Variants in APOBEC3G observed in about 807,000 individuals in gnomAD.
APOBEC3G encodes apolipoprotein B mRNA editing enzyme catalytic subunit 3G.
A neutral mutation model predicts 50.0 loss-of-function variants in APOBEC3G; 44 were observed. The observed-to-expected ratio is 0.88, with a 90% CI of 0.69 to 1.13. APOBEC3G has a LOEUF of 1.13. Among genes scored for constraint, APOBEC3G ranks in the 50% most tolerant of loss-of-function variants. The pLI, the probability that APOBEC3G is intolerant of heterozygous loss-of-function variation, is 0.00. For missense variants in APOBEC3G, 469 were observed against 492.0 expected (o/e 0.95, Z 0.44); for synonymous variants, 156 against 175.3 (o/e 0.89, Z 0.87).
intron 5 of APOBEC3G, among the ~76,000 whole-genome samples, chr22:39,084,659 C>T (rs1928618114): frequency 6.6e-6 from 1 of 152,206 alleles, no homozygotes; most frequent in African/African-American, 2.4e-5. Context: ...CAGGATTCCC[C>T]AGTGCCTGCT....
At chr22:39,080,620 A>C (rs2036825270) in intron 2 of APOBEC3G, 2 of 348,262 alleles carry the variant, frequency 5.7e-6, no homozygotes, top group Non-Finnish European at 1.1e-5. Flanking sequence ...CCCCCCAGCT[A>C]GAGGGCAAGA....
At chr22:39,081,860 G>A (rs992923464) in intron 4 of APOBEC3G, 5 of 400,780 alleles carry the variant, frequency 1.2e-5, no homozygotes, top group Non-Finnish European at 2.3e-5. Context: ...CAGCCTGGGA[G>A]CCCCAACCTG....
In APOBEC3G at chr22:39,081,212, A is replaced by T. The variant is rs758889931; in HGVS notation, c.451A>T (p.Ile151Phe). The T allele has an allele frequency of 3.0e-5, 49 of 1,613,994 alleles. No homozygotes were observed. Among genetic ancestry groups the T allele is most frequent in the Middle Eastern group, 1.6e-4 (1 of 6,084 alleles). Residue 151 changes from isoleucine (I) to phenylalanine (F), a missense_variant, in exon 3 of 8, where the codon ATC becomes TTC. Transcript: ENST00000407997. ...AGACGGTCCGCGTGCCACCATGAAGATCATGAATTATGACGGTGAGAAGTG... is the reference window on the plus strand; with the variant it reads ...AGACGGTCCGCGTGCCACCATGAAGTTCATGAATTATGACGGTGAGAAGTG... The part of the protein sequence containing the change: ...KRDGPRATMK[I>F]MNYDEFQHCW...
intron 1 of APOBEC3G, 111 bp from the exon 2 acceptor site, chr22:39,078,821 A>G (rs1928288388): frequency 7.1e-7 from 1 of 1,412,022 alleles, no homozygotes; most frequent in East Asian, 2.5e-5. Context: ...AGGGGAGGGG[A>G]GGGATGGGGG....
rs1436870071 is a variant in APOBEC3G at position 39,085,096 on chromosome 22, C to T, written c.736-1183C>T. ...AGCACAAATCGTGTCATCCATTCTA[C>T]CCCGAGTCCTCTCTGCACTGGACTC... On this transcript the variant is annotated intron_variant, in intron 5 of 7. Transcript: ENST00000407997. 2.0e-5 allele frequency among the ~76,000 whole-genome samples: 3 copies of T among 152,184 alleles called. No individual in the cohort carries two copies. In the South Asian group the frequency reaches 6.2e-4, roughly 31 times the overall value.
At position 39,086,481 on chromosome 22, in the gene APOBEC3G, G is replaced by C. The variant is rs542681958; in HGVS notation, c.938G>C (p.Arg313Pro). 2.3e-5 allele frequency: 37 copies of C among 1,614,028 alleles called. No individual in the cohort carries two copies. The highest frequency in any genetic ancestry group is 3.1e-5 in the Non-Finnish European group (36 of 1,180,028). The change falls in exon 6 of 8, where the codon CGC (arginine) becomes CCC (proline). Residue 313 changes from arginine (R) to proline (P), a missense_variant. By Grantham distance (103) the Arg-to-Pro change is moderately radical. Transcript: ENST00000407997. ...GTGAGCCTGTGCATCTTCACTGCCC[G>C]CATCTATGATGATCAAGGAAGATGT... ...KHVSLCIFTARIYDDQGRCQE... is the reference protein window; with the variant it reads ...KHVSLCIFTAPIYDDQGRCQE...
chr22:39,081,738 C>T (rs750456127), intron 4 of APOBEC3G, 153 bp downstream of exon 4: 125 of 626,588 alleles, frequency 2.0e-4, no homozygotes, highest in Non-Finnish European at 3.2e-4. Context: ...TACACTCCCT[C>T]ACCCACACTC....
Position 39,079,066 on chromosome 22 carries a change from C to T in APOBEC3G, c.152C>T (p.Ala51Val), listed in dbSNP as rs777071499. Residue 51 changes from alanine (A) to valine (V), a missense_variant, in exon 2 of 8, where the codon GCA becomes GTA. Transcript: ENST00000407997. The part of the protein sequence containing the change: ...TKGPSRPPLD[A>V]KIFRGQVYSE... Reference sequence around the variant, plus strand: ...GGTCCCTCAAGGCCCCCTTTGGACGCAAAGATCTTTCGAGGCCAGGTACCA... The same window carrying T: ...GGTCCCTCAAGGCCCCCTTTGGACGTAAAGATCTTTCGAGGCCAGGTACCA... The T allele has an allele frequency of 1.2e-6, 2 of 1,614,148 alleles. No individual in the cohort carries two copies. Among genetic ancestry groups the T allele is most frequent in the South Asian group, 2.2e-5 (2 of 91,074 alleles).
chr22:39,084,528 GAA>G (rs10605628), intron 5 of APOBEC3G, among the ~76,000 whole-genome samples: 65,890 of 147,644 alleles, frequency 0.45, 17,011 homozygotes, highest in East Asian at 0.65. Flanking sequence ...TCCGTCTCAA[GAA>G]AAAAAAAAAA....
At chr22:39,084,311 A>G (rs6001420) in intron 5 of APOBEC3G, among the ~76,000 whole-genome samples, 11 of 152,286 alleles carry the variant, frequency 7.2e-5, no homozygotes, top group African/African-American at 2.6e-4. Context: ...GGCGATCACA[A>G]GGTCAGGAGA....
intron 4 of APOBEC3G, 55 bp from the exon 5 acceptor site, chr22:39,083,676 G>T: frequency 6.3e-7 from 1 of 1,585,382 alleles, no homozygotes; most frequent in South Asian, 1.2e-5. Context: ...GGGAGGGGGA[G>T]GTGGGACAGA....
chr22:39,087,678 A>C lies in APOBEC3G; in HGVS notation c.*257A>C. Reference sequence around the variant, plus strand: ...ACACAGAAAAGTTTCAAACCTACTAATCCAGCGACAATTTGAATCGGTTTT... The same window carrying C: ...ACACAGAAAAGTTTCAAACCTACTACTCCAGCGACAATTTGAATCGGTTTT... On this transcript the variant is annotated 3_prime_UTR_variant, in exon 8 of 8. Coordinates refer to ENST00000407997, the MANE Select transcript of APOBEC3G (RefSeq NM_021822.4). 6.6e-6 allele frequency: 4 copies of C among 604,144 alleles called. No homozygotes were observed. The highest frequency in any genetic ancestry group is 8.2e-6 in the Non-Finnish European group (3 of 364,446). The allele number at this position is 604,144 out of a possible 1,614,324, so 37.4% of individuals were successfully genotyped here.
rs540076545 is a variant in APOBEC3G, at chr22:39,079,107, C to G, written c.171+22C>G. 8.7e-6 allele frequency: 14 copies of G among 1,613,188 alleles called. No homozygotes were observed. The South Asian group carries it at 1.3e-4, about 15-fold the overall frequency. Reference sequence around the variant, plus strand: ...CCAGGTACCACCCGGACTCCAATCACTTTGCAGGCAGGAGCTAAGCCAGCT... The same window carrying G: ...CCAGGTACCACCCGGACTCCAATCAGTTTGCAGGCAGGAGCTAAGCCAGCT... On this transcript the variant is annotated intron_variant, in intron 2 of 7. Coordinates refer to ENST00000407997, the MANE Select transcript of APOBEC3G (RefSeq NM_021822.4).
At chr22:39,079,995 G>A (rs991801699) in intron 2 of APOBEC3G, 3 of 157,546 alleles carry the variant, frequency 1.9e-5, no homozygotes, top group Non-Finnish European at 4.4e-5. Context: ...AGTGAGCCAA[G>A]ATTGCATCCT....
chr22:39,083,683 C>T, intron 4 of APOBEC3G, 48 bp from the exon 5 acceptor site: 2 of 1,595,346 alleles, frequency 1.3e-6, no homozygotes, highest in East Asian at 2.2e-5. Context: ...GGAGGTGGGA[C>T]AGACCAGGAG....
chr22:39,084,861 G>A (rs959332393), intron 5 of APOBEC3G, among the ~76,000 whole-genome samples: 4 of 152,220 alleles, frequency 2.6e-5, no homozygotes, highest in Non-Finnish European at 4.4e-5. Context: ...TTCTTCCCTC[G>A]CCCTTGCCCA....
intron 3 of APOBEC3G, 27 bp downstream of exon 3, chr22:39,081,254 G>C (rs1223175799): frequency 6.2e-7 from 1 of 1,607,814 alleles, no homozygotes; most frequent in African/African-American, 1.3e-5. Flanking sequence ...TCAGGGGTGT[G>C]GGAGAGACTG....
At chr22:39,078,776 G>C (rs1319125440) in intron 1 of APOBEC3G, 156 bp from the exon 2 acceptor site, 3 of 1,022,266 alleles carry the variant, frequency 2.9e-6, no homozygotes, top group South Asian at 1.9e-5. Context: ...GTAGTGGCGC[G>C]ATCTTGGCTC....
Position 39,086,476 on chromosome 22 carries a change from T to C in APOBEC3G, c.933T>C (p.Thr311=). 6.2e-7 allele frequency: 1 copy of C among 1,614,208 alleles called. No individual in the cohort carries two copies. Among genetic ancestry groups the C allele is most frequent in the Non-Finnish European group, 8.5e-7 (1 of 1,180,036 alleles). ...AACACGTGAGCCTGTGCATCTTCAC[T>C]GCCCGCATCTATGATGATCAAGGAA... ...KNKHVSLCIF[T]ARIYDDQGRC... is the part of the protein sequence containing the mutation. Residue 311 remains threonine, a synonymous_variant, in exon 6 of 8, where the codon ACT becomes ACC. Coordinates refer to ENST00000407997, the MANE Select transcript of APOBEC3G (RefSeq NM_021822.4).
Sources: allele counts gnomAD v4.1 joint callset (sites outside exome capture counted in the v4.1 genomes callset), GRCh38; gene constraint gnomAD v4.1.1; transcripts MANE v1.5; gene names NCBI Gene and HGNC (gene_info 2026-07-23, HGNC 2026-07-21).